PREX1: variants seen among roughly 807,000 people sequenced by gnomAD.
PREX1 encodes phosphatidylinositol-3,4,5-trisphosphate dependent Rac exchange factor 1.
In PREX1, 41 loss-of-function variants were observed where a neutral mutation model predicts 198.3. The ratio of observed to expected loss-of-function variants is 0.21; its 90% CI spans 0.16 to 0.27. The LOEUF (loss-of-function observed/expected upper bound fraction) is 0.27, where lower values mean the gene tolerates loss of function less well. Among genes scored for constraint, PREX1 ranks in the 10% least tolerant of loss-of-function variants. The pLI is 1.00. For synonymous variants in PREX1, 843 were observed against 887.2 expected, an observed-to-expected ratio of 0.95 and a Z score of 0.89; for missense variants, 1,620 against 2,200.7, an observed-to-expected ratio of 0.74 and a Z score of 5.28.
At chr20:48,880,157 A>G in the PREX1 span, among the ~76,000 whole-genome samples, 1 of 152,224 alleles carries the variant, frequency 6.6e-6, no homozygotes, top group South Asian at 2.1e-4. Context: ...CATGTGCTCA[A>G]TTGTGTAATG....
intron 30 of PREX1, 54 bp from the exon 31 acceptor site, chr20:48,637,806 G>A (rs2089376983): frequency 4.6e-6 from 7 of 1,529,734 alleles, no homozygotes; most frequent in South Asian, 2.3e-5. Flanking sequence ...GGCAGCAAGA[G>A]GTGAGGGCAG....
intron 1 of PREX1, among the ~76,000 whole-genome samples, chr20:48,790,267 G>A (rs1484284329): frequency 6.6e-6 from 1 of 152,186 alleles, no homozygotes. Context: ...GTAAGTGTCA[G>A]CTAACAATAT....
intron 1 of PREX1, among the ~76,000 whole-genome samples, chr20:48,748,814 G>A (rs1356656613): frequency 3.3e-5 from 5 of 152,228 alleles, no homozygotes; most frequent in Non-Finnish European, 7.3e-5. Flanking sequence ...CCAGAGGTTC[G>A]GATTTGGGTG....
chr20:48,637,815 A>G, intron 30 of PREX1, 63 bp from the exon 31 acceptor site: 1 of 1,480,558 alleles, frequency 6.8e-7, no homozygotes, highest in South Asian at 1.2e-5. Context: ...AGGTGAGGGC[A>G]GAACCGGGCC....
chr20:48,653,128 A>T (rs2089513531), intron 20 of PREX1, among the ~76,000 whole-genome samples: 1 of 152,070 alleles, frequency 6.6e-6, no homozygotes, highest in Non-Finnish European at 1.5e-5. Flanking sequence ...GGTCACACCC[A>T]TTTCACAGCT....
intron 29 of PREX1, among the ~76,000 whole-genome samples, chr20:48,641,370 A>G (rs539849985): frequency 3.9e-5 from 6 of 152,318 alleles, no homozygotes; most frequent in Non-Finnish European, 7.3e-5. Context: ...AAATTTTGGC[A>G]TATTATGCTG....
chr20:48,659,807 C>G, intron 16 of PREX1, 112 bp downstream of exon 16: 1 of 1,457,502 alleles, frequency 6.9e-7, no homozygotes, highest in Non-Finnish European at 9.4e-7. Flanking sequence ...TCCACCTATT[C>G]TGGTACTCCA....
At chr20:48,735,335 G>A (rs531313273) in intron 3 of PREX1, among the ~76,000 whole-genome samples, 9 of 152,214 alleles carry the variant, frequency 5.9e-5, no homozygotes, top group African/African-American at 9.6e-5. Context: ...CAAGAGACCC[G>A]AACAAGCTAA....
intron 3 of PREX1, among the ~76,000 whole-genome samples, chr20:48,737,536 C>G (rs111397923): frequency 6.6e-6 from 1 of 152,146 alleles, no homozygotes; most frequent in Non-Finnish European, 1.5e-5. Flanking sequence ...GAAGGAGGAA[C>G]GGAGAGGCTA....
chr20:48,819,719 T>G (rs1457200316), intron 1 of PREX1, among the ~76,000 whole-genome samples: 1 of 152,234 alleles, frequency 6.6e-6, no homozygotes, highest in Non-Finnish European at 1.5e-5. Context: ...CTGGTCCTTT[T>G]CTCAAGGGAT....
chr20:48,785,893 C>T (rs1340929377), intron 1 of PREX1, among the ~76,000 whole-genome samples: 3 of 152,204 alleles, frequency 2.0e-5, no homozygotes, highest in African/African-American at 7.2e-5. Flanking sequence ...CAGAGCTTAC[C>T]TCTAGCAAAG....
intron 1 of PREX1, among the ~76,000 whole-genome samples, chr20:48,771,326 C>G (rs1824535939): frequency 6.6e-6 from 1 of 151,416 alleles, no homozygotes; most frequent in Non-Finnish European, 1.5e-5. Context: ...ATAAAAGTAT[C>G]TGGGGATTTT....
intron 1 of PREX1, among the ~76,000 whole-genome samples, chr20:48,750,995 AAGTGAATGGAAGCTCCCTGAAGGC>A (rs1287433220): frequency 1.3e-5 from 2 of 152,218 alleles, no homozygotes; most frequent in Non-Finnish European, 2.9e-5. Flanking sequence ...TCATGGGATA[AAGTGAATGGAAGCTCCCTGAAGGC>A]AGGGACCCTG....
At chr20:48,783,216 G>A (rs184254576) in intron 1 of PREX1, among the ~76,000 whole-genome samples, 1 of 152,144 alleles carries the variant, frequency 6.6e-6, no homozygotes, top group Admixed American at 6.5e-5. Flanking sequence ...CTGTTAGATG[G>A]GGTGGTGGCA....
chr20:48,856,544 G>A, the PREX1 span, among the ~76,000 whole-genome samples: 1 of 152,214 alleles, frequency 6.6e-6, no homozygotes, highest in African/African-American at 2.4e-5. Flanking sequence ...TCCTGCCAGA[G>A]CCCCAGTGTC....
the PREX1 span, among the ~76,000 whole-genome samples, chr20:48,841,553 T>C: frequency 6.6e-6 from 1 of 152,190 alleles, no homozygotes; most frequent in Non-Finnish European, 1.5e-5. Flanking sequence ...CTTGTTCTCA[T>C]CCACACAGAG....
intron 1 of PREX1, among the ~76,000 whole-genome samples, chr20:48,804,083 G>A (rs910053185): frequency 5.9e-5 from 9 of 152,148 alleles, no homozygotes; most frequent in Middle Eastern, 3.2e-3. Context: ...AGTCATCTGC[G>A]TTTCTGACGC....
intron 33 of PREX1, among the ~76,000 whole-genome samples, chr20:48,634,054 G>GATGC: frequency 6.7e-6 from 1 of 150,256 alleles, no homozygotes; most frequent in Admixed American, 6.7e-5. Flanking sequence ...TGCATGGATG[G>GATGC]ATGGATGAGT....
intron 1 of PREX1, among the ~76,000 whole-genome samples, chr20:48,804,559 G>A (rs555336988): frequency 1.2e-4 from 18 of 152,370 alleles, no homozygotes; most frequent in East Asian, 5.8e-4. Context: ...ACTACAGGGC[G>A]TTGGGATTTC....
Sources: gnomAD v4.1 joint callset for allele counts (sites outside exome capture counted in the v4.1 genomes callset) on GRCh38, gnomAD v4.1.1 for gene constraint, MANE v1.5 for transcripts, NCBI Gene and HGNC (gene_info 2026-07-23, HGNC 2026-07-21) for gene names.